The following DNAL1 variants were observed in gnomAD, a reference collection of about 807,000 sequenced individuals.
DNAL1 encodes chromosome 14 open reading frame 168.
A neutral mutation model predicts 29.4 loss-of-function variants in DNAL1; 17 were observed. The observed-to-expected ratio is 0.58, with a 90% confidence interval of 0.40 to 0.87. DNAL1 has a LOEUF of 0.87. Among genes scored for constraint, DNAL1 ranks in the 40% least tolerant of loss-of-function variants. DNAL1 has a pLI of 0.00. For missense variants in DNAL1, 188 were observed against 214.1 expected (o/e 0.88, Z 0.76); for synonymous variants, 78 against 76.3 (o/e 1.02, Z -0.12).
intron 3 of DNAL1, chr14:73,659,716 A>G (rs951338957): frequency 6.6e-6 from 1 of 152,148 alleles, no homozygotes; most frequent in Non-Finnish European, 1.5e-5. Flanking sequence ...AATTATCCAC[A>G]AAGTCAAAAC....
intron 5 of DNAL1, among the ~76,000 whole-genome samples, chr14:73,672,464 TGGGTGTGGTGGC>T (rs1259144447): frequency 2.6e-5 from 4 of 151,312 alleles, no homozygotes; most frequent in African/African-American, 9.7e-5. Context: ...AAAAACTAGC[TGGGTGTGGTGGC>T]GGGCGCCTGT....
intron 1 of DNAL1, among the ~76,000 whole-genome samples, chr14:73,649,396 C>G (rs921305844): frequency 6.6e-6 from 1 of 151,836 alleles, no homozygotes; most frequent in South Asian, 2.1e-4. Context: ...CATTCTCCTG[C>G]CTCAGCCTCC....
At chr14:73,694,692 C>CTTT (rs3041354) in intron 7 of DNAL1, among the ~76,000 whole-genome samples, 99 of 143,300 alleles carry the variant, frequency 6.9e-4, no homozygotes, top group African/African-American at 2.2e-3. Context: ...ACATAGAAAA[C>CTTT]TTTTTTTTTT....
intron 7 of DNAL1, among the ~76,000 whole-genome samples, chr14:73,690,548 A>G (rs1892147484): frequency 6.6e-6 from 1 of 151,974 alleles, no homozygotes; most frequent in African/African-American, 2.4e-5. Flanking sequence ...TCTACTCGGG[A>G]GGCTGAGGCA....
At chr14:73,690,778 AAT>A (rs1892155508) in intron 7 of DNAL1, among the ~76,000 whole-genome samples, 1 of 152,196 alleles carries the variant, frequency 6.6e-6, no homozygotes, top group Non-Finnish European at 1.5e-5. Context: ...AAGTTTAAAA[AAT>A]AAAGAAAGTT....
intron 5 of DNAL1, among the ~76,000 whole-genome samples, chr14:73,680,452 A>G (rs1490483421): frequency 1.3e-5 from 2 of 152,208 alleles, no homozygotes; most frequent in African/African-American, 4.8e-5. Flanking sequence ...GTAGAATTCC[A>G]TAGTTTTAAT....
At chr14:73,667,660 A>G (rs758658691) in intron 4 of DNAL1, among the ~76,000 whole-genome samples, 6 of 151,994 alleles carry the variant, frequency 3.9e-5, no homozygotes, top group South Asian at 2.1e-4. Context: ...CACAAGCCCA[A>G]CTAATTTTTT....
In DNAL1 at chr14:73,661,877, G is replaced by A. The variant is rs966675663; in HGVS notation, c.153-110G>A. 7 of 644,684 alleles carry A rather than the reference G, an allele frequency of 1.1e-5. No individual in the cohort carries two copies. In the African/African-American group the frequency reaches 1.1e-4, roughly 10 times the overall value. 39.9% of individuals were successfully genotyped at this position (644,684 alleles called of 1,614,324 possible). A position where few individuals can be genotyped will look rare whatever the true frequency, so the allele number is the denominator to read the frequency against. ...GAAGTAATAAATGCTATGATTGAGTGGGGAAAATATTACTTAAATATTATC... is the reference window on the plus strand; with the variant it reads ...GAAGTAATAAATGCTATGATTGAGTAGGGAAAATATTACTTAAATATTATC... On this transcript the variant is annotated intron_variant, in intron 3 of 7. Transcript: ENST00000553645.
At chr14:73,681,605 C>CAAAAAA in intron 5 of DNAL1, among the ~76,000 whole-genome samples, 1 of 52,880 alleles carries the variant, frequency 1.9e-5, no homozygotes, top group Non-Finnish European at 2.9e-5. Flanking sequence ...CCATCTCTAC[C>CAAAAAA]AAAAAAAAAA....
intron 2 of DNAL1, 35 bp from the exon 3 acceptor site, chr14:73,658,812 A>G (rs749588974): frequency 1.3e-6 from 2 of 1,525,952 alleles, no homozygotes; most frequent in Non-Finnish European, 1.8e-6. Context: ...CATTGCAATC[A>G]TGGGTTATTT....
intron 1 of DNAL1, among the ~76,000 whole-genome samples, chr14:73,649,361 C>T (rs1343625463): frequency 6.6e-6 from 1 of 151,640 alleles, no homozygotes; most frequent in Non-Finnish European, 1.5e-5. Context: ...CGGCTCACGG[C>T]AAGCTCCGCC....
At chr14:73,679,993 C>A (rs982842318) in intron 5 of DNAL1, among the ~76,000 whole-genome samples, 5 of 151,810 alleles carry the variant, frequency 3.3e-5, no homozygotes, top group African/African-American at 1.2e-4. Flanking sequence ...CCTGGATGGT[C>A]AGTTTCTTTC....
intron 5 of DNAL1, among the ~76,000 whole-genome samples, chr14:73,684,091 C>T (rs1263548712): frequency 3.3e-5 from 5 of 152,164 alleles, no homozygotes; most frequent in African/African-American, 9.7e-5. Context: ...ATAATGTTCT[C>T]CAGGTTCATT....
chr14:73,652,175 C>A (rs1165604404), intron 1 of DNAL1, among the ~76,000 whole-genome samples: 1 of 152,042 alleles, frequency 6.6e-6, no homozygotes, highest in Non-Finnish European at 1.5e-5. Flanking sequence ...GTTCCCCAGC[C>A]CCCCAGTAGC....
intron 1 of DNAL1, among the ~76,000 whole-genome samples, chr14:73,648,047 G>C (rs1460304438): frequency 6.6e-6 from 1 of 151,998 alleles, no homozygotes; most frequent in African/African-American, 2.4e-5. Flanking sequence ...GCACAATCTC[G>C]GCTCACTGCA....
Position 73,693,924 on chromosome 14 carries a change from C to G in DNAL1, c.533-1978C>G, listed in dbSNP as rs116661015. Among the ~76,000 whole-genome samples the G allele has an allele frequency of 8.0e-3, 1,223 of 151,958 alleles. 23 individuals carry two copies. The highest frequency in any genetic ancestry group is 0.028 in the African/African-American group (1,159 of 41,438). ...TATAATTTGTACACTTTGTATGTTGCGCGTCAACAAAAAGTTCACTTGTCC... is the reference window on the plus strand; with the variant it reads ...TATAATTTGTACACTTTGTATGTTGGGCGTCAACAAAAAGTTCACTTGTCC... On this transcript the variant is annotated intron_variant, in intron 7 of 7. Coordinates refer to ENST00000553645, the MANE Select transcript of DNAL1 (RefSeq NM_031427.4).
intron 5 of DNAL1, among the ~76,000 whole-genome samples, chr14:73,678,966 T>C (rs183356212): frequency 5.3e-5 from 8 of 152,132 alleles, no homozygotes; most frequent in African/African-American, 1.9e-4. Flanking sequence ...GGAGCTGGGG[T>C]ATAGGGTGAG....
At chr14:73,680,801 T>TA (rs771072505) in intron 5 of DNAL1, among the ~76,000 whole-genome samples, 108 of 152,224 alleles carry the variant, frequency 7.1e-4, no homozygotes, top group Non-Finnish European at 2.6e-4. Flanking sequence ...TATAGCCTAC[T>TA]ACATACATAG....
chr14:73,669,208 C>G (rs1489098008), intron 4 of DNAL1, among the ~76,000 whole-genome samples: 1 of 151,986 alleles, frequency 6.6e-6, no homozygotes, highest in East Asian at 1.9e-4. Context: ...GGTGCAAACT[C>G]CTGTGCTGAA....
Sources: gnomAD v4.1 joint callset for allele counts (sites outside exome capture counted in the v4.1 genomes callset) on GRCh38, gnomAD v4.1.1 for gene constraint, MANE v1.5 for transcripts, NCBI Gene and HGNC (gene_info 2026-07-23, HGNC 2026-07-21) for gene names.